The following TBC1D14 variants were observed in gnomAD, a reference collection of about 807,000 sequenced individuals.
TBC1D14 encodes TBC1 domain family, member 14.
TBC1D14 carries 26 observed loss-of-function variants against 79.0 expected under a neutral mutation model. That is an observed-to-expected ratio of 0.33 (90% CI 0.24 to 0.46). The LOEUF (loss-of-function observed/expected upper bound fraction) is 0.46. Among genes scored for constraint, TBC1D14 ranks in the 20% least tolerant of loss-of-function variants. The pLI is 1.00. For synonymous variants in TBC1D14, 394 were observed against 349.9 expected (o/e 1.13, Z -1.40); for missense variants, 769 against 887.6 (o/e 0.87, Z 1.70).
At chr4:6,918,105 C>A (rs10937763) in intron 1 of TBC1D14, among the ~76,000 whole-genome samples, 2 of 151,982 alleles carry the variant, frequency 1.3e-5, no homozygotes, top group Non-Finnish European at 2.9e-5. Context: ...GGCCCCCCAC[C>A]GCAGAGGAGA....
At chr4:7,024,518 T>C (rs1722147225) in intron 12 of TBC1D14, among the ~76,000 whole-genome samples, 3 of 151,976 alleles carry the variant, frequency 2.0e-5, no homozygotes, top group Admixed American at 2.0e-4. Context: ...GGGTGTGCCA[T>C]GATGAGCACC....
At chr4:6,935,260 T>TA (rs1318394950) in intron 2 of TBC1D14, among the ~76,000 whole-genome samples, 1 of 151,934 alleles carries the variant, frequency 6.6e-6, no homozygotes, top group African/African-American at 2.4e-5. Flanking sequence ...ATTGGAGAAA[T>TA]ACAGGGTTTT....
At chr4:7,012,921 T>TA (rs949228030) in intron 11 of TBC1D14, among the ~76,000 whole-genome samples, 1 of 152,228 alleles carries the variant, frequency 6.6e-6, no homozygotes, top group African/African-American at 2.4e-5. Flanking sequence ...ATACTGGCCT[T>TA]ACGTTGCTTG....
intron 10 of TBC1D14, 97 bp from the exon 11 acceptor site, chr4:7,010,556 A>G (rs1040654518): frequency 3.4e-6 from 5 of 1,456,348 alleles, no homozygotes. Flanking sequence ...GGACACTTCT[A>G]GTGTGAGGGT....
intron 4 of TBC1D14, among the ~76,000 whole-genome samples, chr4:6,995,999 GC>G (rs1719001798): frequency 6.6e-6 from 1 of 151,232 alleles, no homozygotes; most frequent in Non-Finnish European, 1.5e-5. Context: ...ACCATGCCCG[GC>G]TAATTTTTTG....
chr4:6,991,760 G>A (rs35375288), intron 3 of TBC1D14, among the ~76,000 whole-genome samples: 4,500 of 152,224 alleles, frequency 0.03, 228 homozygotes, highest in African/African-American at 0.1. Flanking sequence ...GGGCTGGTGT[G>A]GAGGAGATGG....
chr4:6,974,235 A>C (rs994974323), intron 3 of TBC1D14, among the ~76,000 whole-genome samples: 2 of 152,188 alleles, frequency 1.3e-5, no homozygotes, highest in Non-Finnish European at 1.5e-5. Context: ...AGACTCCCAG[A>C]AAAGGGGAGC....
At chr4:6,996,263 T>G (rs991230515) in intron 4 of TBC1D14, 62 bp from the exon 5 acceptor site, 2 of 1,396,214 alleles carry the variant, frequency 1.4e-6, no homozygotes, top group African/African-American at 2.9e-5. Context: ...TGCTTCAGGT[T>G]TTTTCTGAAA....
intron 7 of TBC1D14, 63 bp from the exon 8 acceptor site, chr4:7,004,781 C>A: frequency 6.9e-7 from 1 of 1,449,146 alleles, no homozygotes; most frequent in Non-Finnish European, 9.7e-7. Context: ...GTACTGTGTT[C>A]TGTGGTGGTT....
intron 2 of TBC1D14, among the ~76,000 whole-genome samples, chr4:6,930,977 T>C (rs1711669436): frequency 6.6e-6 from 1 of 152,018 alleles, no homozygotes; most frequent in Non-Finnish European, 1.5e-5. Flanking sequence ...CTCGGCTCAC[T>C]GCAACCTCTG....
At chr4:6,933,018 A>G (rs570487376) in intron 2 of TBC1D14, among the ~76,000 whole-genome samples, 2 of 152,018 alleles carry the variant, frequency 1.3e-5, no homozygotes, top group Non-Finnish European at 2.9e-5. Context: ...CGTTGTGGCT[A>G]TAAACTGAGC....
In TBC1D14 at chr4:6,954,525, C is replaced by T. The variant is rs139528803; in HGVS notation, c.723-12779C>T. Among the ~76,000 whole-genome samples, 182 of 152,276 alleles carry T rather than the reference C, an allele frequency of 1.2e-3. 1 individual carries two copies. The highest frequency in any genetic ancestry group is 4.2e-3 in the African/African-American group (174 of 41,556). On this transcript the variant is annotated intron_variant, in intron 2 of 13. Coordinates refer to ENST00000409757, the MANE Select transcript of TBC1D14 (RefSeq NM_020773.3). ...CTATCTAGGCAGCATCTCTGAGTGCCCGAGCTCCCTGGGCTGGTGTTTGTG... is the reference window on the plus strand; with the variant it reads ...CTATCTAGGCAGCATCTCTGAGTGCTCGAGCTCCCTGGGCTGGTGTTTGTG...
intron 3 of TBC1D14, among the ~76,000 whole-genome samples, chr4:6,975,430 G>A (rs1347578384): frequency 6.6e-6 from 1 of 151,962 alleles, no homozygotes. Context: ...GGCTGGTCTT[G>A]AACTCCTGGA....
At chr4:6,915,121 G>A (rs1723290550) in intron 1 of TBC1D14, among the ~76,000 whole-genome samples, 1 of 152,214 alleles carries the variant, frequency 6.6e-6, no homozygotes, top group Non-Finnish European at 1.5e-5. Context: ...ACAGGGAGGT[G>A]CCCCATTGCC....
chr4:6,994,373 A>G (rs962220434), intron 4 of TBC1D14, 71 bp downstream of exon 4: 8 of 1,405,116 alleles, frequency 5.7e-6, no homozygotes, highest in Admixed American at 1.7e-5. Flanking sequence ...GCAGCTTTTC[A>G]TTAGAGAAAA....
Position 6,923,981 on chromosome 4 carries a change from C to T in TBC1D14, c.592C>T (p.Pro198Ser), listed in dbSNP as rs778050973. The change falls in exon 2 of 14, where the codon CCA (proline) becomes TCA (serine). Residue 198 changes from proline to serine, a missense_variant. Around this residue, in one of 2 missense-constraint regions of TBC1D14, gnomAD observed 402 missense variants for 393.2 expected, o/e 1.02. Transcript: ENST00000409757. ...AIVTLENDDD[P>S]QFTNVTLSSI... ...TGTGACCCTGGAGAATGACGATGAC[C>T]CACAGTTTACCAACGTCACCTTGAG... is the stretch of plus-strand genomic sequence containing the variant. The T allele has an allele frequency of 8.6e-5, 138 of 1,614,010 alleles. No individual in the cohort carries two copies. The highest frequency in any genetic ancestry group is 1.1e-4 in the Non-Finnish European group (132 of 1,180,016).
Position 7,030,335 on chromosome 4 carries a change from T to C in TBC1D14, c.2025T>C (p.Thr675=), listed in dbSNP as rs762157469. 9.3e-6 allele frequency: 15 copies of C among 1,613,808 alleles called. No individual in the cohort carries two copies. Among genetic ancestry groups the C allele is most frequent in the Non-Finnish European group, 1.2e-5 (14 of 1,179,878 alleles). ...TTCCCTGTGACTTCTAGGTACTGAC[T>C]GCATTGCAGAAAGACAGCCGGGAAA... ...SRNKKWAQVL[T]ALQKDSREME... Residue 675 remains threonine (T), a synonymous_variant, in exon 14 of 14, where the codon ACT becomes ACC. Transcript: ENST00000409757.
At chr4:7,026,025 A>G (rs181361710) in intron 13 of TBC1D14, among the ~76,000 whole-genome samples, 1 of 152,264 alleles carries the variant, frequency 6.6e-6, no homozygotes, top group East Asian at 1.9e-4. Context: ...GTGCTACACC[A>G]TGCCTGGGGG....
intron 2 of TBC1D14, among the ~76,000 whole-genome samples, chr4:6,964,666 A>G (rs1715542195): frequency 1.3e-5 from 2 of 152,194 alleles, no homozygotes; most frequent in Admixed American, 1.3e-4. Flanking sequence ...CCCAGGCTGG[A>G]GTGCAGTGGC....
Sources: allele counts gnomAD v4.1 joint callset (sites outside exome capture counted in the v4.1 genomes callset), GRCh38; gene constraint gnomAD v4.1.1; regional missense constraint gnomAD v4.1.1; transcripts MANE v1.5; gene names NCBI Gene and HGNC (gene_info 2026-07-23, HGNC 2026-07-21).